TBCEL: variants seen among roughly 807,000 people sequenced by gnomAD.
The protein encoded by TBCEL is tubulin folding cofactor E like, also known as tubulin-specific chaperone cofactor E-like protein.
TBCEL carries 15 observed loss-of-function variants against 44.2 expected under a neutral mutation model. That is an observed-to-expected ratio of 0.34 (90% CI 0.23 to 0.52). The LOEUF is 0.52. TBCEL is among the 20% of genes least tolerant of loss of function. TBCEL has a pLI of 0.95. For synonymous variants in TBCEL, 171 were observed against 185.4 expected, an observed-to-expected ratio of 0.92 and a Z score of 0.63; for missense variants, 319 against 506.3, an observed-to-expected ratio of 0.63 and a Z score of 3.55.
intron 5 of TBCEL, among the ~76,000 whole-genome samples, chr11:121,054,014 A>C (rs1945574709): frequency 6.6e-6 from 1 of 151,582 alleles, no homozygotes; most frequent in African/African-American, 2.4e-5. Context: ...ACTCAGCCTT[A>C]CTCTGTTTTA....
At chr11:121,052,606 A>G (rs760006539) in intron 4 of TBCEL, among the ~76,000 whole-genome samples, 2 of 151,792 alleles carry the variant, frequency 1.3e-5, no homozygotes, top group Non-Finnish European at 2.9e-5. Flanking sequence ...TTTATTTCAT[A>G]CTTGTTTAAG....
chr11:121,029,399 C>T (rs1336627887), intron 1 of TBCEL, among the ~76,000 whole-genome samples: 1 of 152,202 alleles, frequency 6.6e-6, no homozygotes, highest in East Asian at 1.9e-4. Context: ...CCACTTACTT[C>T]ATGCCAGGTA....
intron 6 of TBCEL, among the ~76,000 whole-genome samples, chr11:121,056,861 T>C (rs1945631072): frequency 6.6e-6 from 1 of 151,850 alleles, no homozygotes; most frequent in Non-Finnish European, 1.5e-5. Context: ...TAAGGGTTCT[T>C]TGTATATTTT....
At chr11:121,072,124 C>A (rs1945945890) in intron 8 of TBCEL, among the ~76,000 whole-genome samples, 1 of 152,130 alleles carries the variant, frequency 6.6e-6, no homozygotes, top group Non-Finnish European at 1.5e-5. Context: ...TTACCTTGGA[C>A]TTTATTTTGA....
chr11:121,024,804 T>G (rs1945017337), intron 1 of TBCEL, among the ~76,000 whole-genome samples: 1 of 152,094 alleles, frequency 6.6e-6, no homozygotes, highest in Non-Finnish European at 1.5e-5. Flanking sequence ...CTTGGGACAT[T>G]AGGCCTGCTC....
chr11:121,072,566 A>C (rs192745294), intron 8 of TBCEL, among the ~76,000 whole-genome samples: 1 of 152,144 alleles, frequency 6.6e-6, no homozygotes, highest in East Asian at 1.9e-4. Context: ...TGTATGCTTG[A>C]TGTCTATTTT....
intron 8 of TBCEL, among the ~76,000 whole-genome samples, chr11:121,066,109 G>T (rs534464516): frequency 6.6e-6 from 1 of 152,348 alleles, no homozygotes; most frequent in East Asian, 1.9e-4. Flanking sequence ...GAGCAGGATT[G>T]ATGGGAAGCA....
In TBCEL at chr11:121,088,130, T is replaced by C. The variant is rs991857463; in HGVS notation, c.*1034T>C. Reference sequence around the variant, plus strand: ...TTGGGGGATGTGGGGGAAGAGCTTATGACTTTCCCACCTGTGTCATCCATT... The same window carrying C: ...TTGGGGGATGTGGGGGAAGAGCTTACGACTTTCCCACCTGTGTCATCCATT... On this transcript the variant is annotated 3_prime_UTR_variant, in exon 9 of 9. Transcript: ENST00000683345. 5 of 152,336 alleles carry C rather than the reference T, an allele frequency of 3.3e-5. No homozygotes were observed. Among genetic ancestry groups the C allele is most frequent in the Non-Finnish European group, 7.3e-5 (5 of 68,042 alleles). The allele number at this position is 152,336 out of a possible 1,614,324, so 9.4% of individuals were successfully genotyped here.
chr11:121,069,920 A>G (rs1278858098), intron 8 of TBCEL, among the ~76,000 whole-genome samples: 2 of 152,222 alleles, frequency 1.3e-5, no homozygotes, highest in Non-Finnish European at 2.9e-5. Context: ...TCTTATAGAC[A>G]GTGGGAAACC....
chr11:121,065,361 G>A (rs1945801485), intron 8 of TBCEL, among the ~76,000 whole-genome samples: 1 of 152,128 alleles, frequency 6.6e-6, no homozygotes, highest in African/African-American at 2.4e-5. Context: ...AGTTAGCAAG[G>A]GGGGCCTAAG....
intron 8 of TBCEL, among the ~76,000 whole-genome samples, chr11:121,066,586 C>A (rs1220524665): frequency 6.6e-6 from 1 of 152,138 alleles, no homozygotes; most frequent in Non-Finnish European, 1.5e-5. Flanking sequence ...TCTTTTGAGC[C>A]CTTGCAGTAT....
chr11:121,040,167 C>A (rs1234512067), intron 2 of TBCEL, among the ~76,000 whole-genome samples: 2 of 152,016 alleles, frequency 1.3e-5, no homozygotes, highest in Non-Finnish European at 2.9e-5. Flanking sequence ...CCTCTCTTTC[C>A]TTTTTTAATC....
At chr11:121,029,676 T>C (rs1945110259) in intron 1 of TBCEL, among the ~76,000 whole-genome samples, 1 of 152,188 alleles carries the variant, frequency 6.6e-6, no homozygotes, top group East Asian at 1.9e-4. Flanking sequence ...GATTAATCAC[T>C]AATCATTCTT....
At position 121,087,719 on chromosome 11, in the gene TBCEL, G is replaced by C. The variant is rs1405498944; in HGVS notation, c.*623G>C. 6.6e-6 allele frequency: 1 copy of C among 152,148 alleles called. No individual in the cohort carries two copies. The highest frequency in any genetic ancestry group is 1.5e-5 in the Non-Finnish European group (1 of 68,108). 9.4% of individuals were successfully genotyped at this position (152,148 alleles called of 1,614,324 possible). ...AAAGTGTTTTAAGCATTTTTAACCT[G>C]ATTCTAATCTCAGGTACGCAGTAAG... On this transcript the variant is annotated 3_prime_UTR_variant, in exon 9 of 9. Transcript: ENST00000683345.
At position 121,087,227 on chromosome 11, in the gene TBCEL, T is replaced by A; in HGVS notation, c.*131T>A. On this transcript the variant is annotated 3_prime_UTR_variant, in exon 9 of 9. Transcript: ENST00000683345. Reference sequence around the variant, plus strand: ...TTCTGTTTAGGTTTGGGAAGGATTTTGTATATTTTTCCCCCTGGAGTGAGT... The same window carrying A: ...TTCTGTTTAGGTTTGGGAAGGATTTAGTATATTTTTCCCCCTGGAGTGAGT... 1 of 1,000,796 alleles carries A rather than the reference T, an allele frequency of 1.0e-6. No individual in the cohort carries two copies. Among genetic ancestry groups the A allele is most frequent in the South Asian group, 1.7e-5 (1 of 57,330 alleles). The allele number at this position is 1,000,796 out of a possible 1,614,324, so 62.0% of individuals were successfully genotyped here. A position where few individuals can be genotyped will look rare whatever the true frequency, so the allele number is the denominator to read the frequency against.
intron 8 of TBCEL, among the ~76,000 whole-genome samples, chr11:121,062,000 T>C (rs1314243194): frequency 6.6e-6 from 1 of 152,140 alleles, no homozygotes; most frequent in Non-Finnish European, 1.5e-5. Flanking sequence ...ATGCAAACAT[T>C]GTACAGCTGT....
rs767473353 is a variant in TBCEL at position 121,079,824 on chromosome 11, G to GT, written c.957-6946dup. Among the ~76,000 whole-genome samples, 21 of 152,040 alleles carry GT rather than the reference G, an allele frequency of 1.4e-4. No homozygotes were observed. The East Asian group carries it at 3.3e-3, about 24-fold the overall frequency. ...GGGAAACAAACTCGATAAATGTTTTGTTTTTTTTGAAACGGAGTCTCACTC... is the reference window on the plus strand; with the variant it reads ...GGGAAACAAACTCGATAAATGTTTTGTTTTTTTTTGAAACGGAGTCTCACTC... On this transcript the variant is annotated intron_variant, in intron 8 of 8. Transcript: ENST00000683345.
At position 121,024,134 on chromosome 11, in the gene TBCEL, G is replaced by C. The variant is rs1342471341; in HGVS notation, c.-283G>C. On this transcript the variant is annotated 5_prime_UTR_variant, in exon 1 of 9. Coordinates refer to ENST00000683345, the MANE Select transcript of TBCEL (RefSeq NM_001363644.2). ...GGTCAATGCAGGACACTGGGCTCCG[G>C]CGGCCAGAGTGGGGGACTAGGTGAA... 5 of 153,112 alleles carry C rather than the reference G, an allele frequency of 3.3e-5. No homozygotes were observed. The highest frequency in any genetic ancestry group is 5.8e-5 in the Non-Finnish European group (4 of 68,422). 9.5% of individuals were successfully genotyped at this position (153,112 alleles called of 1,614,324 possible).
chr11:121,089,721 T>C lies in TBCEL; in HGVS notation c.*2625T>C, dbSNP rs749870740. On this transcript the variant is annotated 3_prime_UTR_variant, in exon 9 of 9. Transcript: ENST00000683345. ...TTGATTGTCTGCAGCTTATCTGTATTTTAATATTGACTTTGTCCAGATTCA... is the reference window on the plus strand; with the variant it reads ...TTGATTGTCTGCAGCTTATCTGTATCTTAATATTGACTTTGTCCAGATTCA... 1 of 152,220 alleles carries C rather than the reference T, an allele frequency of 6.6e-6. No homozygotes were observed. Among genetic ancestry groups the C allele is most frequent in the Non-Finnish European group, 1.5e-5 (1 of 68,040 alleles). 9.4% of individuals were successfully genotyped at this position (152,220 alleles called of 1,614,324 possible).
Sources: allele counts gnomAD v4.1 joint callset (sites outside exome capture counted in the v4.1 genomes callset), GRCh38; gene constraint gnomAD v4.1.1; transcripts MANE v1.5; gene names NCBI Gene and HGNC (gene_info 2026-07-23, HGNC 2026-07-21).